Variants in COMMD10 observed in about 807,000 individuals in gnomAD.
The protein encoded by COMMD10 is COMM domain containing 10.
Under a neutral mutation model 28.9 loss-of-function variants are expected in COMMD10, and 33 were observed. The observed-to-expected ratio is 1.14, with a 90% CI of 0.87 to 1.53. COMMD10 has a LOEUF of 1.53. Among genes scored for constraint, COMMD10 ranks in the 40% most tolerant of loss-of-function variants. The probability of loss-of-function intolerance (pLI) is 0.00; values close to 1 mark genes in which losing one functional copy is unlikely to be tolerated. For missense variants in COMMD10, 310 were observed against 233.4 expected, an observed-to-expected ratio of 1.33 and a Z score of -2.14; for synonymous variants, 110 against 81.7, an observed-to-expected ratio of 1.35 and a Z score of -1.87.
At chr5:116,218,604 A>G (rs1055721996) in intron 5 of COMMD10, among the ~76,000 whole-genome samples, 2 of 152,188 alleles carry the variant, frequency 1.3e-5, no homozygotes, top group African/African-American at 2.4e-5. Flanking sequence ...GGACAGGTAT[A>G]TGGGGTAGTG....
chr5:116,199,798 G>A (rs1204515415), intron 5 of COMMD10, among the ~76,000 whole-genome samples: 1 of 151,998 alleles, frequency 6.6e-6, no homozygotes, highest in Admixed American at 6.6e-5. Context: ...TCGCTATGTT[G>A]CCCAGGTTGG....
At chr5:116,133,457 C>T (rs1261096329) in intron 4 of COMMD10, among the ~76,000 whole-genome samples, 3 of 152,128 alleles carry the variant, frequency 2.0e-5, no homozygotes, top group African/African-American at 7.2e-5. Context: ...GTAAGAGTAC[C>T]TTGGAAAGTA....
At chr5:116,154,496 G>A (rs1393162315) in intron 5 of COMMD10, among the ~76,000 whole-genome samples, 1 of 152,110 alleles carries the variant, frequency 6.6e-6, no homozygotes, top group African/African-American at 2.4e-5. Context: ...TGAGAGTGCT[G>A]TTCACCTGGG....
At chr5:116,110,806 G>A (rs187550798) in intron 4 of COMMD10, among the ~76,000 whole-genome samples, 2 of 151,968 alleles carry the variant, frequency 1.3e-5, no homozygotes, top group Non-Finnish European at 2.9e-5. Flanking sequence ...AGAGAGGAAG[G>A]GGGGAGGTGC....
chr5:116,247,919 G>C (rs556909835), intron 5 of COMMD10, among the ~76,000 whole-genome samples: 1 of 152,004 alleles, frequency 6.6e-6, no homozygotes, highest in Admixed American at 6.6e-5. Context: ...CATGACACAA[G>C]TTTACCTATG....
At chr5:116,291,043 C>G (rs559399817) in intron 5 of COMMD10, among the ~76,000 whole-genome samples, 3 of 152,234 alleles carry the variant, frequency 2.0e-5, no homozygotes, top group South Asian at 2.1e-4. Flanking sequence ...GAAGGTAACA[C>G]TCAGCATGTT....
intron 4 of COMMD10, among the ~76,000 whole-genome samples, chr5:116,102,471 A>T (rs1191780349): frequency 2.6e-5 from 4 of 152,122 alleles, no homozygotes; most frequent in Non-Finnish European, 4.4e-5. Context: ...TTGCAGTTTA[A>T]TTTGAAGTCA....
intron 5 of COMMD10, among the ~76,000 whole-genome samples, chr5:116,277,595 G>C (rs1423352627): frequency 6.6e-6 from 1 of 151,906 alleles, no homozygotes; most frequent in Middle Eastern, 3.2e-3. Context: ...TGGATTTTCA[G>C]TTGCCTGTTG....
intron 5 of COMMD10, among the ~76,000 whole-genome samples, chr5:116,156,866 A>C (rs145975838): frequency 6.6e-6 from 1 of 152,096 alleles, no homozygotes; most frequent in African/African-American, 2.4e-5. Flanking sequence ...AACCCTGCAC[A>C]GTCCTTGCCC....
chr5:116,225,478 A>G (rs1165559209), intron 5 of COMMD10, among the ~76,000 whole-genome samples: 3 of 150,006 alleles, frequency 2.0e-5, no homozygotes, highest in Non-Finnish European at 3.0e-5. Context: ...TTGTTCTAGT[A>G]GGCAATTAAC....
chr5:116,234,025 G>A (rs935559267), intron 5 of COMMD10, among the ~76,000 whole-genome samples: 4 of 152,182 alleles, frequency 2.6e-5, no homozygotes, highest in Non-Finnish European at 5.9e-5. Flanking sequence ...TCTTCAGTCA[G>A]TGATGCTAAT....
At chr5:116,180,325 C>T (rs1747913498) in intron 5 of COMMD10, among the ~76,000 whole-genome samples, 1 of 151,948 alleles carries the variant, frequency 6.6e-6, no homozygotes, top group South Asian at 2.1e-4. Context: ...GTCACTGATC[C>T]ATTGCTTAGG....
intron 5 of COMMD10, among the ~76,000 whole-genome samples, chr5:116,263,690 G>C (rs1750509869): frequency 6.6e-6 from 1 of 151,618 alleles, no homozygotes. Flanking sequence ...CCCAGGTCTT[G>C]AGATAAACTC....
chr5:116,149,179 A>T (rs1318327223), intron 5 of COMMD10, among the ~76,000 whole-genome samples: 2 of 130,464 alleles, frequency 1.5e-5, no homozygotes, highest in African/African-American at 7.9e-5. Flanking sequence ...TACAAAGGAC[A>T]TGAACTCATC....
intron 5 of COMMD10, among the ~76,000 whole-genome samples, chr5:116,171,236 A>G (rs1753322140): frequency 6.6e-6 from 1 of 152,244 alleles, no homozygotes; most frequent in Admixed American, 6.5e-5. Flanking sequence ...AAAGCTCATC[A>G]TCAGTGGTCA....
chr5:116,123,927 A>ATTT (rs143533105), intron 4 of COMMD10, among the ~76,000 whole-genome samples: 1 of 150,400 alleles, frequency 6.6e-6, no homozygotes, highest in Non-Finnish European at 1.5e-5. Flanking sequence ...CCCCTTTATC[A>ATTT]TTTTTTTTTA....
chr5:116,130,889 A>T (rs1046405102), intron 4 of COMMD10, among the ~76,000 whole-genome samples: 1 of 152,040 alleles, frequency 6.6e-6, no homozygotes, highest in African/African-American at 2.4e-5. Context: ...GTAAATATTT[A>T]AAATATGCAA....
At chr5:116,136,996 A>G (rs980967461) in intron 5 of COMMD10, among the ~76,000 whole-genome samples, 1 of 152,116 alleles carries the variant, frequency 6.6e-6, no homozygotes. Flanking sequence ...ATAATGAGGT[A>G]TAGAGCTACC....
chr5:116,090,313 C>G (rs1750254437), intron 2 of COMMD10, among the ~76,000 whole-genome samples: 1 of 152,140 alleles, frequency 6.6e-6, no homozygotes, highest in Non-Finnish European at 1.5e-5. Flanking sequence ...CGTCCAGGGA[C>G]TTTAAAAATA....
Sources: allele counts gnomAD v4.1 joint callset (sites outside exome capture counted in the v4.1 genomes callset), GRCh38; gene constraint gnomAD v4.1.1; transcripts MANE v1.5; gene names NCBI Gene and HGNC (gene_info 2026-07-23, HGNC 2026-07-21).